Variants in ENO3 observed in about 807,000 individuals in gnomAD.
ENO3 encodes enolase 3.
In ENO3, 46 loss-of-function variants were observed where a neutral mutation model predicts 47.7. The ratio of observed to expected loss-of-function variants is 0.96; its 90% CI spans 0.76 to 1.23. The LOEUF (loss-of-function observed/expected upper bound fraction) is 1.23. Among genes scored for constraint, ENO3 ranks in the 50% most tolerant of loss-of-function variants. The pLI, the probability that ENO3 is intolerant of heterozygous loss-of-function variation, is 0.00. For missense variants in ENO3, 575 were observed against 566.2 expected (o/e 1.02, Z -0.16); for synonymous variants, 223 against 225.9 (o/e 0.99, Z 0.11).
intron 1 of ENO3, 200 bp from the exon 2 acceptor site, chr17:4,951,628 T>C: frequency 1.7e-6 from 1 of 599,622 alleles, no homozygotes; most frequent in Non-Finnish European, 3.0e-6. Flanking sequence ...CCTGGATTCT[T>C]AGGATGGGAG....
Position 4,953,299 on chromosome 17 carries a change from G to A in ENO3, c.268G>A (p.Val90Ile). Residue 90 changes from valine to isoleucine, a missense_variant, in exon 5 of 12, where the codon GTT becomes ATT. Coordinates refer to ENST00000519602, the MANE Select transcript of ENO3 (RefSeq NM_053013.4). ...KKLSVVDQEK[V>I]DKFMIELDGT... ...ACTAAGCGTTGTGGATCAAGAAAAA[G>A]TTGACAAATTTATGATTGAGCTAGA... The A allele has an allele frequency of 1.2e-6, 2 of 1,614,228 alleles. No individual in the cohort carries two copies.
chr17:4,956,320 G>A (rs1971731968), intron 9 of ENO3, 177 bp downstream of exon 9: 3 of 835,464 alleles, frequency 3.6e-6, no homozygotes, highest in South Asian at 3.2e-5. Flanking sequence ...CAAGAGCTTT[G>A]CCCCTGTGGC....
chr17:4,955,673 T>G (rs1971702115), intron 8 of ENO3, 69 bp downstream of exon 8: 1 of 1,597,182 alleles, frequency 6.3e-7, no homozygotes, highest in Non-Finnish European at 8.6e-7. Flanking sequence ...CTGATTTCAG[T>G]GACCTGCTTT....
At position 4,956,123 on chromosome 17, in the gene ENO3, GGT is replaced by G; in HGVS notation, c.1049_1050del (p.Val350AspfsTer13). On this transcript the variant is annotated frameshift_variant, in exon 9 of 12. Transcript: ENST00000519602. LOFTEE classifies it high-confidence loss of function. ...TGCTGAAGGTCAACCAGATCGGCTC[GGT>G]GACCGAATCGATCCAGGCGTGAGTG... ...LLLKVNQIGS[V>X]TESIQACKLA... is the part of the protein sequence containing the mutation. The G allele has an allele frequency of 6.2e-7, 1 of 1,613,734 alleles. No homozygotes were observed. Among genetic ancestry groups the G allele is most frequent in the Non-Finnish European group, 8.5e-7 (1 of 1,179,952 alleles).
chr17:4,956,245 C>A (rs142062722), intron 9 of ENO3, 102 bp downstream of exon 9: 13 of 1,379,088 alleles, frequency 9.4e-6, no homozygotes, highest in African/African-American at 1.4e-5. Flanking sequence ...TTACCTTTCC[C>A]CTGGCACCTG....
chr17:4,949,433 CTG>C (rs1318714856), upstream of ENO3: 3 of 152,378 alleles, frequency 2.0e-5, no homozygotes, highest in Admixed American at 6.5e-5. Context: ...GCCCCTTGGC[CTG>C]TGTCTGCAGA....
chr17:4,951,839 C>T lies in ENO3; in HGVS notation c.10C>T (p.Gln4Ter), dbSNP rs757514570. 1 of 1,614,158 alleles carries T rather than the reference C, an allele frequency of 6.2e-7. No homozygotes were observed. Among genetic ancestry groups the T allele is most frequent in the Admixed American group, 1.7e-5 (1 of 60,026 alleles). The change falls in exon 2 of 12, where the codon CAG becomes TAG. Residue 4 changes from glutamine to a stop codon, truncating the protein, a stop_gained. Coordinates refer to ENST00000519602, the MANE Select transcript of ENO3 (RefSeq NM_053013.4). LOFTEE classifies it high-confidence loss of function. ...CTCCTGTCCTGCAGCCATGGCCATG[C>T]AGAAAATCTTTGCCCGGGAAATCTT... is the stretch of plus-strand genomic sequence containing the variant. MAM[Q>*]KIFAREILDS...
chr17:4,956,534 A>T, intron 9 of ENO3, 39 bp from the exon 10 acceptor site: 1 of 1,602,954 alleles, frequency 6.2e-7, no homozygotes, highest in Non-Finnish European at 8.5e-7. Flanking sequence ...CCCACTGAGG[A>T]GGTTCTAGAA....
chr17:4,952,111 C>G (rs767529368), intron 2 of ENO3, 197 bp downstream of exon 2: 2 of 690,540 alleles, frequency 2.9e-6, no homozygotes, highest in South Asian at 1.5e-5. Context: ...TGCCTCCTGT[C>G]CCTGAGCTCA....
chr17:4,955,932 AC>A lies in ENO3; in HGVS notation c.866-6del. The stretch of plus-strand genomic sequence containing the variant: ...TGTCTCTGCCCTGTCTCTGCTCCAA[AC>A]CCCACCAGTGGTCTCCATCGAAGAC... On this transcript the variant is annotated splice_polypyrimidine_tract_variant and intron_variant, in intron 8 of 11. Transcript: ENST00000519602. 1 of 1,605,292 alleles carries A rather than the reference AC, an allele frequency of 6.2e-7. No individual in the cohort carries two copies. The highest frequency in any genetic ancestry group is 1.4e-5 in the African/African-American group (1 of 71,578).
In ENO3 at chr17:4,955,270, G is replaced by C; in HGVS notation, c.640G>C (p.Ala214Pro). ...ATNVGDEGGF[A>P]PNILENNEAL... is the part of the protein sequence containing the mutation. ...CAATGTGGGTGATGAAGGTGGCTTC[G>C]CACCCAACATCCTGGAGAACAATGA... Residue 214 changes from alanine (A) to proline (P), a missense_variant, in exon 7 of 12, where the codon GCA (alanine) becomes CCA (proline). Physicochemically the swap from Ala to Pro is conservative, Grantham distance 27 (BLOSUM62 -1). Transcript: ENST00000519602. The C allele has an allele frequency of 6.2e-7, 1 of 1,614,250 alleles. No homozygotes were observed. Among genetic ancestry groups the C allele is most frequent in the Non-Finnish European group, 8.5e-7 (1 of 1,180,046 alleles).
At chr17:4,953,419 G>C (rs922044941) in intron 5 of ENO3, 78 bp downstream of exon 5, 2 of 1,588,588 alleles carry the variant, frequency 1.3e-6, no homozygotes, top group African/African-American at 2.7e-5. Flanking sequence ...GGCCTGATGG[G>C]TTATTTCTGG....
In ENO3 at chr17:4,955,939, C is replaced by T; in HGVS notation, c.866-3C>T. 1 of 1,613,412 alleles carries T rather than the reference C, an allele frequency of 6.2e-7. No homozygotes were observed. The highest frequency in any genetic ancestry group is 8.5e-7 in the Non-Finnish European group (1 of 1,179,900). ...GCCCTGTCTCTGCTCCAAACCCCAC[C>T]AGTGGTCTCCATCGAAGACCCCTTT... On this transcript the variant is annotated splice_polypyrimidine_tract_variant and splice_region_variant and intron_variant, in intron 8 of 11. Transcript: ENST00000519602.
In ENO3 at chr17:4,952,374, C is replaced by T. The variant is rs536706524; in HGVS notation, c.86-421C>T. On this transcript the variant is annotated intron_variant, in intron 2 of 11. Transcript: ENST00000519602. ...TTTTTTTTTTTTTGAGATGGAGTCT[C>T]ACTCTGTCGCCCAGGCTGGAGTGCA... is the stretch of plus-strand genomic sequence containing the variant. 1.2e-3 allele frequency: 395 copies of T among 316,806 alleles called. 2 individuals are homozygous for T. The highest frequency in any genetic ancestry group is 8.5e-3 in the African/African-American group (365 of 42,856). 19.6% of individuals were successfully genotyped at this position (316,806 alleles called of 1,614,324 possible).
At chr17:4,956,239 CT>C in intron 9 of ENO3, 96 bp downstream of exon 9, 1 of 1,440,062 alleles carries the variant, frequency 6.9e-7, no homozygotes, top group East Asian at 2.4e-5. Context: ...CCAAGCTTAC[CT>C]TTCCCCTGGC....
upstream of ENO3, chr17:4,949,164 C>T (rs954339964): frequency 2.6e-5 from 4 of 152,202 alleles, no homozygotes; most frequent in African/African-American, 9.6e-5. Context: ...GCCGCCTCAC[C>T]ACCCTTGATT....
intron 9 of ENO3, chr17:4,956,371 C>T: frequency 4.1e-6 from 3 of 730,126 alleles, no homozygotes; most frequent in South Asian, 3.4e-5. Context: ...CCATTCCTCT[C>T]TCAGATTCCG....
chr17:4,953,340 G>A lies in ENO3; in HGVS notation c.309G>A (p.Lys103=), dbSNP rs1971610775. The change falls in exon 5 of 12, where the codon AAG becomes AAA. Residue 103 remains lysine (K), a splice_region_variant and synonymous_variant. Coordinates refer to ENST00000519602, the MANE Select transcript of ENO3 (RefSeq NM_053013.4). ...TTGAGCTAGATGGGACCGAGAATAA[G>A]TGTGAGTGAAGGGCTAGCGGTGGGG... ...FMIELDGTEN[K]SKFGANAILG... 2.5e-6 allele frequency: 4 copies of A among 1,614,226 alleles called. No individual in the cohort carries two copies. The highest frequency in any genetic ancestry group is 4.5e-5 in the East Asian group (2 of 44,878).
In ENO3 at chr17:4,955,882, C is replaced by T. The variant is rs1175288066; in HGVS notation, c.866-60C>T. ...CTGCCCTGTCTCTGCTCTGTCTCTG[C>T]CCTGTCTCTGCCCTGTCTCTGCTCT... is the stretch of plus-strand genomic sequence containing the variant. On this transcript the variant is annotated intron_variant, in intron 8 of 11. Coordinates refer to ENST00000519602, the MANE Select transcript of ENO3 (RefSeq NM_053013.4). 1.7e-5 allele frequency: 24 copies of T among 1,400,942 alleles called. No homozygotes were observed. In the South Asian group the frequency reaches 2.3e-4, roughly 13 times the overall value. 86.8% of individuals were successfully genotyped at this position (1,400,942 alleles called of 1,614,324 possible).
Sources: allele counts gnomAD v4.1 joint callset, GRCh38; gene constraint gnomAD v4.1.1; transcripts MANE v1.5; gene names NCBI Gene and HGNC (gene_info 2026-07-23, HGNC 2026-07-21).